EPB41L2: variants seen among roughly 807,000 people sequenced by gnomAD.
EPB41L2 encodes the protein erythrocyte membrane protein band 4.1 like 2.
In EPB41L2, 43 loss-of-function variants were observed where a neutral mutation model predicts 113.0. The ratio of observed to expected loss-of-function variants is 0.38; its 90% CI spans 0.30 to 0.49. The LOEUF (loss-of-function observed/expected upper bound fraction) is 0.49, where lower values mean the gene tolerates loss of function less well. Ranked by LOEUF, EPB41L2 falls within the 20% of genes least tolerant of loss-of-function variation. The pLI, the probability that EPB41L2 is intolerant of heterozygous loss-of-function variation, is 0.95. For missense variants in EPB41L2, 1,147 were observed against 1,223.4 expected (o/e 0.94, Z 0.93); for synonymous variants, 442 against 436.7 (o/e 1.01, Z -0.15).
intron 11 of EPB41L2, among the ~76,000 whole-genome samples, chr6:130,888,834 T>C (rs978305120): frequency 4.4e-4 from 67 of 152,310 alleles, no homozygotes; most frequent in African/African-American, 1.5e-3. Flanking sequence ...TTCTGGAAAT[T>C]TGTTTAAAGC....
chr6:130,973,255 A>C (rs1432463522), intron 1 of EPB41L2, among the ~76,000 whole-genome samples: 1 of 135,266 alleles, frequency 7.4e-6, no homozygotes, highest in African/African-American at 2.9e-5. Flanking sequence ...TCTTTGTCAA[A>C]ATGGGCAGAC....
chr6:130,888,302 T>C (rs1040598895), intron 11 of EPB41L2, among the ~76,000 whole-genome samples: 1 of 152,140 alleles, frequency 6.6e-6, no homozygotes, highest in African/African-American at 2.4e-5. Flanking sequence ...AATAACACAA[T>C]AATCCTTTTG....
At chr6:130,918,516 G>A (rs1433064268) in intron 4 of EPB41L2, among the ~76,000 whole-genome samples, 1 of 152,040 alleles carries the variant, frequency 6.6e-6, no homozygotes, top group Non-Finnish European at 1.5e-5. Context: ...CTGATTCCAC[G>A]TATTTTTAAC....
intron 1 of EPB41L2, among the ~76,000 whole-genome samples, chr6:130,984,717 C>T (rs1422702989): frequency 6.6e-6 from 1 of 152,200 alleles, no homozygotes; most frequent in Non-Finnish European, 1.5e-5. Context: ...TTTCCCAGAA[C>T]AGCTCTAGTT....
intron 10 of EPB41L2, among the ~76,000 whole-genome samples, chr6:130,892,581 G>A (rs1793323245): frequency 1.3e-5 from 2 of 151,896 alleles, no homozygotes; most frequent in Non-Finnish European, 2.9e-5. Context: ...TATATGATCA[G>A]TGTAACTTGA....
intron 4 of EPB41L2, among the ~76,000 whole-genome samples, chr6:130,920,542 C>T (rs373104209): frequency 9.2e-5 from 14 of 152,214 alleles, no homozygotes; most frequent in Non-Finnish European, 2.1e-4. Flanking sequence ...GTCACCTAGG[C>T]GAAAGTGCAG....
intron 3 of EPB41L2, among the ~76,000 whole-genome samples, chr6:130,954,299 C>T (rs958176753): frequency 6.6e-6 from 1 of 151,990 alleles, no homozygotes; most frequent in Non-Finnish European, 1.5e-5. Context: ...GTGATCCGCC[C>T]GCCTTGGCCT....
intron 1 of EPB41L2, among the ~76,000 whole-genome samples, chr6:131,036,452 C>T (rs921566645): frequency 2.0e-5 from 3 of 152,034 alleles, no homozygotes; most frequent in African/African-American, 7.2e-5. Context: ...AATAAAAAAA[C>T]AGCATAAAGA....
intron 4 of EPB41L2, among the ~76,000 whole-genome samples, chr6:130,923,417 T>C (rs1227973843): frequency 1.3e-5 from 2 of 152,216 alleles, no homozygotes; most frequent in African/African-American, 4.8e-5. Context: ...TGGCCCTGCA[T>C]GATCTGAGCC....
At chr6:130,931,049 G>A (rs1047517385) in intron 3 of EPB41L2, among the ~76,000 whole-genome samples, 5 of 152,018 alleles carry the variant, frequency 3.3e-5, no homozygotes, top group Non-Finnish European at 7.4e-5. Context: ...AAGACAAAGG[G>A]AAGGACAATA....
chr6:131,047,863 T>A (rs767091231), intron 1 of EPB41L2, among the ~76,000 whole-genome samples: 3 of 152,010 alleles, frequency 2.0e-5, no homozygotes, highest in East Asian at 1.9e-4. Context: ...AAAAATCGGC[T>A]GGGCGCGGTG....
intron 19 of EPB41L2, among the ~76,000 whole-genome samples, chr6:130,855,696 T>C (rs1780014441): frequency 6.6e-6 from 1 of 152,332 alleles, no homozygotes; most frequent in East Asian, 1.9e-4. Context: ...AGACATCTTA[T>C]GTTCAAGGAA....
chr6:131,037,573 T>A (rs2128179017), intron 1 of EPB41L2, among the ~76,000 whole-genome samples: 1 of 148,774 alleles, frequency 6.7e-6, no homozygotes, highest in East Asian at 2.0e-4. Context: ...CTTTATACTT[T>A]GAAAACCTAA....
At chr6:130,867,414 A>C in intron 16 of EPB41L2, 45 bp downstream of exon 16, 1 of 1,594,486 alleles carries the variant, frequency 6.3e-7, no homozygotes, top group Middle Eastern at 1.7e-4. Flanking sequence ...TAGATACACT[A>C]AGGGAAAAAA....
chr6:130,983,187 G>A (rs1054916531), intron 1 of EPB41L2, among the ~76,000 whole-genome samples: 1 of 152,286 alleles, frequency 6.6e-6, no homozygotes, highest in East Asian at 1.9e-4. Context: ...ACCAGGAACC[G>A]CAAATGAAAG....
At chr6:130,975,094 T>C (rs576874795) in intron 1 of EPB41L2, among the ~76,000 whole-genome samples, 1 of 152,296 alleles carries the variant, frequency 6.6e-6, no homozygotes, top group South Asian at 2.1e-4. Context: ...GCACGTCCAG[T>C]GTCATTTACT....
intron 1 of EPB41L2, among the ~76,000 whole-genome samples, chr6:131,015,574 A>G (rs1788007366): frequency 6.6e-6 from 1 of 152,224 alleles, no homozygotes; most frequent in African/African-American, 2.4e-5. Flanking sequence ...TGAGCAATTA[A>G]GGAATCTCTT....
intron 1 of EPB41L2, among the ~76,000 whole-genome samples, chr6:131,010,968 T>C (rs1208287042): frequency 6.6e-6 from 1 of 152,156 alleles, no homozygotes; most frequent in Admixed American, 6.5e-5. Context: ...CTACCTTCAC[T>C]TACTCAAGAG....
chr6:130,861,436 T>C (rs1374509385), intron 18 of EPB41L2, among the ~76,000 whole-genome samples: 1 of 152,228 alleles, frequency 6.6e-6, no homozygotes, highest in African/African-American at 2.4e-5. Context: ...GGTCACTCTA[T>C]GATCAACATC....
Sources: allele counts gnomAD v4.1 joint callset (sites outside exome capture counted in the v4.1 genomes callset), GRCh38; gene constraint gnomAD v4.1.1; transcripts MANE v1.5; gene names NCBI Gene and HGNC (gene_info 2026-07-23, HGNC 2026-07-21).